The following EBF3 variants were observed in gnomAD, a reference collection of about 807,000 sequenced individuals.
EBF3 encodes the protein EBF transcription factor 3, also known as transcription factor COE3.
A neutral mutation model predicts 77.1 loss-of-function variants in EBF3; 18 were observed. That is an observed-to-expected ratio of 0.23 (90% CI 0.16 to 0.35). EBF3 has a LOEUF of 0.35. Ranked by LOEUF, EBF3 falls within the 10% of genes least tolerant of loss-of-function variation. The pLI is 1.00. For missense variants in EBF3, 558 were observed against 860.0 expected (o/e 0.65, Z 4.39); for synonymous variants, 350 against 343.5 (o/e 1.02, Z -0.21).
At position 129,863,959 on chromosome 10, in the gene EBF3, T is replaced by G. The variant is rs1310416006; in HGVS notation, c.1039+3182A>C. Among the ~76,000 whole-genome samples, 1 of 152,186 alleles carries G rather than the reference T, an allele frequency of 6.6e-6. No homozygotes were observed. The highest frequency in any genetic ancestry group is 6.5e-5 in the Admixed American group (1 of 15,284). ...CACCAAACACCCACTCATGGGAGCA[T>G]GTCTCGATGGAGGAAATCCCTGAAG... On this transcript the variant is annotated intron_variant, in intron 10 of 16. Transcript: ENST00000440978. The surrounding 1 kb of genome is among the most constrained non-coding windows in gnomAD (Gnocchi z 4.0).
chr10:129,949,807 A>C (rs1277739780), intron 6 of EBF3, among the ~76,000 whole-genome samples: 1 of 151,940 alleles, frequency 6.6e-6, no homozygotes, highest in African/African-American at 2.4e-5. Flanking sequence ...CATTGTGGAA[A>C]CCTGGACTCA....
At chr10:129,844,918 G>A (rs927703735) in intron 11 of EBF3, among the ~76,000 whole-genome samples, 2 of 152,066 alleles carry the variant, frequency 1.3e-5, no homozygotes, top group Admixed American at 6.5e-5. Context: ...CTATCATATC[G>A]CAAGACTTTT....
At chr10:129,838,054 C>G in intron 16 of EBF3, 94 bp from the exon 17 acceptor site, 1 of 1,472,038 alleles carries the variant, frequency 6.8e-7, no homozygotes, top group Non-Finnish European at 9.4e-7. Context: ...CCCCCCTATT[C>G]AACTGGGAGG....
At chr10:129,953,304 AT>A (rs1490765410) in intron 6 of EBF3, among the ~76,000 whole-genome samples, 1 of 152,200 alleles carries the variant, frequency 6.6e-6, no homozygotes, top group African/African-American at 2.4e-5. Flanking sequence ...TCAATTACGC[AT>A]AAAAATCTGA....
At chr10:129,912,853 C>T (rs1855616840) in intron 6 of EBF3, among the ~76,000 whole-genome samples, 1 of 152,226 alleles carries the variant, frequency 6.6e-6, no homozygotes, top group African/African-American at 2.4e-5. Flanking sequence ...GTCTAATCCC[C>T]CTGAGCCTCA....
chr10:129,846,891 C>G (rs983845619), intron 11 of EBF3, among the ~76,000 whole-genome samples: 2 of 151,908 alleles, frequency 1.3e-5, no homozygotes, highest in African/African-American at 4.8e-5. Context: ...AAAAAATGCC[C>G]ATAACTGAGA....
chr10:129,959,513 A>G (rs1034440015), intron 4 of EBF3, among the ~76,000 whole-genome samples: 3 of 151,852 alleles, frequency 2.0e-5, no homozygotes, highest in African/African-American at 7.3e-5. Flanking sequence ...GCGGCGCAGG[A>G]GCAGTTTGCC....
chr10:129,921,977 C>A (rs926690905), intron 6 of EBF3, among the ~76,000 whole-genome samples: 1 of 152,188 alleles, frequency 6.6e-6, no homozygotes, highest in African/African-American at 2.4e-5. Flanking sequence ...CCCCTGCAGA[C>A]GGACATGAGG....
chr10:129,942,517 CAGCTGTGCAG>C (rs1431047402), intron 6 of EBF3, among the ~76,000 whole-genome samples: 1 of 152,200 alleles, frequency 6.6e-6, no homozygotes, highest in Non-Finnish European at 1.5e-5. Flanking sequence ...GCTGTAGGGA[CAGCTGTGCAG>C]CCTTCATGAG....
intron 4 of EBF3, among the ~76,000 whole-genome samples, chr10:129,961,553 T>G (rs956337802): frequency 2.0e-5 from 3 of 152,100 alleles, no homozygotes; most frequent in African/African-American, 7.2e-5. Flanking sequence ...ATTTACAAGG[T>G]ATGACAGAGG....
chr10:129,896,095 T>C (rs1854351033), intron 6 of EBF3, among the ~76,000 whole-genome samples: 1 of 151,150 alleles, frequency 6.6e-6, no homozygotes, highest in African/African-American at 2.4e-5. Flanking sequence ...ATTTCAAACT[T>C]GTCCAGAAAA....
rs1859755661 is a variant in EBF3 at position 129,964,186 on chromosome 10, CCCGGGCGCAGG to C, written c.-429_-419del. On this transcript the variant is annotated 5_prime_UTR_variant, in exon 1 of 17. Transcript: ENST00000440978. The surrounding 1 kb of genome is among the most constrained non-coding windows in gnomAD (Gnocchi z 4.5). The stretch of plus-strand genomic sequence containing the variant: ...GGGGCAGTGAGTGCTGCGGCGCAGT[CCCGGGCGCAGG>C]CGGGGCGCGGCGGGGCCTGGAGCGG... The C allele has an allele frequency of 2.0e-6, 2 of 984,932 alleles. No homozygotes were observed. Among genetic ancestry groups the C allele is most frequent in the Non-Finnish European group, 2.4e-6 (2 of 829,774 alleles). The allele number at this position is 984,932 out of a possible 1,614,324, so 61.0% of individuals were successfully genotyped here.
At chr10:129,865,936 G>A (rs1378742523) in intron 10 of EBF3, among the ~76,000 whole-genome samples, 1 of 152,120 alleles carries the variant, frequency 6.6e-6, no homozygotes, top group Non-Finnish European at 1.5e-5. Context: ...GGCCACCCCA[G>A]GACACCAGGC....
intron 6 of EBF3, among the ~76,000 whole-genome samples, chr10:129,924,922 C>T (rs1856560737): frequency 6.6e-6 from 1 of 152,110 alleles, no homozygotes; most frequent in African/African-American, 2.4e-5. Flanking sequence ...CTCCTACCTC[C>T]CGAAGCGCCG....
chr10:129,842,581 T>G lies in EBF3; in HGVS notation c.1195-288A>C, dbSNP rs145301411. On this transcript the variant is annotated intron_variant, in intron 12 of 16. Transcript: ENST00000440978. The surrounding 1 kb of genome is among the most constrained non-coding windows in gnomAD (Gnocchi z 4.4). ...GAGTTCAAGACCAGCCTGGCCAACATGGCGAAATCCCATCTCTAATGAAAA... is the reference window on the plus strand; with the variant it reads ...GAGTTCAAGACCAGCCTGGCCAACAGGGCGAAATCCCATCTCTAATGAAAA... Among the ~76,000 whole-genome samples the G allele has an allele frequency of 8.3e-3, 1,256 of 152,116 alleles. 19 individuals are homozygous for G. The highest frequency in any genetic ancestry group is 0.027 in the African/African-American group (1,138 of 41,498).
intron 6 of EBF3, among the ~76,000 whole-genome samples, chr10:129,931,215 G>C (rs1473918591): frequency 6.6e-6 from 1 of 151,974 alleles, no homozygotes; most frequent in East Asian, 1.9e-4. Context: ...TGGTTTTTTT[G>C]CCCTGGACAG....
At chr10:129,849,338 C>T (rs745357776) in intron 10 of EBF3, among the ~76,000 whole-genome samples, 3 of 152,202 alleles carry the variant, frequency 2.0e-5, no homozygotes, top group Non-Finnish European at 2.9e-5. Flanking sequence ...TGGCGTTTTC[C>T]GTGGAGTCAC....
chr10:129,874,332 T>A (rs563610149), intron 7 of EBF3, among the ~76,000 whole-genome samples: 18 of 152,148 alleles, frequency 1.2e-4, no homozygotes, highest in Admixed American at 2.6e-4. Context: ...AGGGGAGAGA[T>A]CACAGATCAG....
chr10:129,840,462 G>C lies in EBF3; in HGVS notation c.1562-20C>G. On this transcript the variant is annotated intron_variant, in intron 14 of 16. Transcript: ENST00000440978. ...GCACTACTGCAACAAAGCAAACACG[G>C]TCAGCACGCGCGGCCGCGGCACAGC... is the stretch of plus-strand genomic sequence containing the variant. The C allele has an allele frequency of 1.9e-6, 3 of 1,546,210 alleles. No homozygotes were observed. The highest frequency in any genetic ancestry group is 2.6e-6 in the Non-Finnish European group (3 of 1,143,192).
Sources: gnomAD v4.1 joint callset for allele counts (sites outside exome capture counted in the v4.1 genomes callset) on GRCh38, gnomAD v4.1.1 for gene constraint, Gnocchi (gnomAD v3.1) non-coding constraint, MANE v1.5 for transcripts, NCBI Gene and HGNC (gene_info 2026-07-23, HGNC 2026-07-21) for gene names.